ANKFN1: variants seen among roughly 807,000 people sequenced by gnomAD.
ANKFN1 encodes the protein ankyrin repeat and fibronectin type III domain containing 1, also known as ankyrin repeat and fibronectin type-III domain-containing protein 1.
A neutral mutation model predicts 108.7 loss-of-function variants in ANKFN1; 74 were observed. That is an observed-to-expected ratio of 0.68 (90% CI 0.56 to 0.83). ANKFN1 has a LOEUF of 0.83. ANKFN1 is among the 40% of genes least tolerant of loss of function. ANKFN1 has a pLI of 0.00. For synonymous variants in ANKFN1, 547 were observed against 516.2 expected, an observed-to-expected ratio of 1.06 and a Z score of -0.81; for missense variants, 1,505 against 1,382.3, an observed-to-expected ratio of 1.09 and a Z score of -1.41.
intron 3 of ANKFN1, among the ~76,000 whole-genome samples, chr17:56,306,676 C>T (rs944569041): frequency 1.3e-5 from 2 of 152,112 alleles, no homozygotes; most frequent in Non-Finnish European, 2.9e-5. Context: ...AGATTCAATG[C>T]CATCTCCACC....
intron 3 of ANKFN1, among the ~76,000 whole-genome samples, chr17:56,261,724 G>C (rs2043516321): frequency 6.6e-6 from 1 of 152,144 alleles, no homozygotes; most frequent in African/African-American, 2.4e-5. Flanking sequence ...ACGTTCTTCT[G>C]CCTGCTTTTA....
Position 56,124,346 on chromosome 17 carries a change from T to C in ANKFN1, c.288+78021T>C, listed in dbSNP as rs545637451. 1.3e-4 allele frequency among the ~76,000 whole-genome samples: 20 copies of C among 152,362 alleles called. No homozygotes were observed. The South Asian group carries it at 4.1e-3, about 32-fold the overall frequency. On this transcript the variant is annotated intron_variant, in intron 4 of 12. Coordinates refer to the ANKFN1 transcript ENST00000635860. ...ACGGAGCTGGTGGGTTCAGTCCATG[T>C]GTGATGGCCACAGAATCCATGCTGC...
chr17:56,368,895 G>A (rs1482191208), intron 6 of ANKFN1, among the ~76,000 whole-genome samples: 1 of 152,158 alleles, frequency 6.6e-6, no homozygotes, highest in Non-Finnish European at 1.5e-5. Flanking sequence ...AACTGAAGTG[G>A]CTAAAGAGCT....
intron 3 of ANKFN1, among the ~76,000 whole-genome samples, chr17:56,238,878 G>A (rs1286643013): frequency 6.6e-6 from 1 of 152,124 alleles, no homozygotes; most frequent in African/African-American, 2.4e-5. Flanking sequence ...CCTCTTTAGA[G>A]AGCAGTGAGG....
intron 8 of ANKFN1, among the ~76,000 whole-genome samples, chr17:56,419,857 A>T (rs2048349413): frequency 1.3e-5 from 2 of 152,046 alleles, no homozygotes; most frequent in South Asian, 4.2e-4. Context: ...AATATAAATT[A>T]AATAATCTGA....
chr17:56,269,248 A>G (rs538439237), intron 3 of ANKFN1, among the ~76,000 whole-genome samples: 30 of 152,272 alleles, frequency 2.0e-4, no homozygotes, highest in African/African-American at 7.2e-4. Flanking sequence ...AGACAAATAC[A>G]TTTCACTGTC....
At chr17:56,382,044 G>A (rs559961608) in intron 8 of ANKFN1, among the ~76,000 whole-genome samples, 6 of 152,116 alleles carry the variant, frequency 3.9e-5, no homozygotes, top group Non-Finnish European at 5.9e-5. Flanking sequence ...GAGAAAGGTC[G>A]GGTTACCCAC....
chr17:56,293,100 G>A (rs7207925), intron 3 of ANKFN1, among the ~76,000 whole-genome samples: 14 of 152,098 alleles, frequency 9.2e-5, no homozygotes, highest in African/African-American at 3.4e-4. Context: ...GCCAAGTACT[G>A]TCTTAGCTAC....
intron 15 of ANKFN1, among the ~76,000 whole-genome samples, chr17:56,468,658 T>A (rs904107000): frequency 6.6e-6 from 1 of 152,114 alleles, no homozygotes; most frequent in Admixed American, 6.5e-5. Context: ...TTACTTTCAT[T>A]CCCCGCCAAG....
chr17:56,480,355 A>G (rs1598693737), intron 16 of ANKFN1, among the ~76,000 whole-genome samples: 1 of 152,220 alleles, frequency 6.6e-6, no homozygotes, highest in Non-Finnish European at 1.5e-5. Context: ...GGGGATCTGC[A>G]GAGAAAGAAA....
intron 9 of ANKFN1, among the ~76,000 whole-genome samples, chr17:56,442,515 C>T (rs1335738129): frequency 6.6e-6 from 1 of 152,100 alleles, no homozygotes; most frequent in African/African-American, 2.4e-5. Flanking sequence ...CCTTGTAGAA[C>T]TATGTGACTT....
rs143209775 is a variant in ANKFN1 at position 56,357,199 on chromosome 17, G to A, written c.601+3153G>A. On this transcript the variant is annotated intron_variant, in intron 6 of 20. Coordinates refer to ENST00000682825, the MANE Select transcript of ANKFN1 (RefSeq NM_001370326.1). Reference sequence around the variant, plus strand: ...GCTACCTAAGAAGGCAAAGAGATACGACCACATATAGACTTACATGTGTAA... The same window carrying A: ...GCTACCTAAGAAGGCAAAGAGATACAACCACATATAGACTTACATGTGTAA... Among the ~76,000 whole-genome samples the A allele has an allele frequency of 5.2e-3, 786 of 152,254 alleles. 6 individuals are homozygous for A. The highest frequency in any genetic ancestry group is 0.031 in the South Asian group (148 of 4,832).
At chr17:56,238,176 C>T (rs1030106680) in intron 3 of ANKFN1, among the ~76,000 whole-genome samples, 4 of 151,856 alleles carry the variant, frequency 2.6e-5, no homozygotes, top group Admixed American at 1.3e-4. Context: ...TGCATATGCT[C>T]ATTGTTTTAT....
intron 6 of ANKFN1, among the ~76,000 whole-genome samples, chr17:56,364,191 C>A (rs1483170778): frequency 1.3e-5 from 2 of 151,382 alleles, no homozygotes; most frequent in Non-Finnish European, 2.9e-5. Flanking sequence ...ACTTTGTATC[C>A]CATAAATACA....
At chr17:56,077,694 T>C (rs1010573055) in intron 4 of ANKFN1, among the ~76,000 whole-genome samples, 9 of 152,198 alleles carry the variant, frequency 5.9e-5, no homozygotes, top group Non-Finnish European at 2.9e-5. Context: ...TTTCAACGTA[T>C]GCCTTGCCCC....
intron 3 of ANKFN1, among the ~76,000 whole-genome samples, chr17:56,236,200 G>A (rs1183182881): frequency 6.6e-6 from 1 of 151,942 alleles, no homozygotes; most frequent in Admixed American, 6.6e-5. Context: ...TGGGACTACA[G>A]GCATGTGCGA....
chr17:56,380,216 G>A (rs746533366), intron 8 of ANKFN1, among the ~76,000 whole-genome samples: 1 of 152,038 alleles, frequency 6.6e-6, no homozygotes, highest in Non-Finnish European at 1.5e-5. Flanking sequence ...CAGTTTTTAC[G>A]GCTGTTATGA....
At chr17:56,180,727 CA>C (rs2143624585) in intron 1 of ANKFN1, among the ~76,000 whole-genome samples, 1 of 152,244 alleles carries the variant, frequency 6.6e-6, no homozygotes, top group Non-Finnish European at 1.5e-5. Context: ...AGTTAAAAGT[CA>C]ACAGCTAAAT....
At chr17:56,392,264 C>T (rs1342791338) in intron 8 of ANKFN1, among the ~76,000 whole-genome samples, 1 of 152,136 alleles carries the variant, frequency 6.6e-6, no homozygotes, top group Non-Finnish European at 1.5e-5. Flanking sequence ...TACGCAAGGG[C>T]CCATCAGTAA....
Sources: allele counts gnomAD v4.1 joint callset (sites outside exome capture counted in the v4.1 genomes callset), GRCh38; gene constraint gnomAD v4.1.1; transcripts MANE v1.5; gene names NCBI Gene and HGNC (gene_info 2026-07-23, HGNC 2026-07-21).